The following FAM53B variants were observed in gnomAD, a reference collection of about 807,000 sequenced individuals.
FAM53B encodes protein FAM53B.
In FAM53B, 12 loss-of-function variants were observed where a neutral mutation model predicts 32.7. That is an observed-to-expected ratio of 0.37 (90% CI 0.24 to 0.59). The LOEUF (loss-of-function observed/expected upper bound fraction) is 0.59, where lower values mean the gene tolerates loss of function less well. Among genes scored for constraint, FAM53B ranks in the 20% least tolerant of loss-of-function variants. FAM53B has a pLI of 0.72. For missense variants in FAM53B, 477 were observed against 577.7 expected (o/e 0.83, Z 1.79); for synonymous variants, 234 against 228.7 (o/e 1.02, Z -0.21).
intron 4 of FAM53B, among the ~76,000 whole-genome samples, chr10:124,652,314 A>C (rs1949561006): frequency 6.6e-6 from 1 of 152,214 alleles, no homozygotes; most frequent in Non-Finnish European, 1.5e-5. Flanking sequence ...AGCCGTGCCC[A>C]GGGGTGAACT....
rs1026977598 is a variant in FAM53B, at chr10:124,706,360, C to T, written c.78+276G>A. On this transcript the variant is annotated intron_variant, in intron 2 of 4. Coordinates refer to ENST00000337318, the MANE Select transcript of FAM53B (RefSeq NM_014661.4). ...GGAATGTCAATCCTGGCTTGGCAGG[C>T]GGCAGAATCACACTTGCTGTTATTT... 7.2e-5 allele frequency among the ~76,000 whole-genome samples: 11 copies of T among 152,196 alleles called. No individual in the cohort carries two copies. In the East Asian group the frequency reaches 1.5e-3, roughly 21 times the overall value.
Position 124,732,341 on chromosome 10 carries a change from G to A in FAM53B, c.-175+11672C>T, listed in dbSNP as rs558772431. ...CCACTATCCACCCAGAAACCGGGCA[G>A]GATCAGCCACGCTCAGTCGTCGTCT... On this transcript the variant is annotated intron_variant, in intron 1 of 4. Coordinates refer to ENST00000337318, the MANE Select transcript of FAM53B (RefSeq NM_014661.4). Among the ~76,000 whole-genome samples, 45 of 152,322 alleles carry A rather than the reference G, an allele frequency of 3.0e-4. No individual in the cohort carries two copies. The South Asian group carries it at 8.5e-3, about 29-fold the overall frequency.
At chr10:124,690,579 CT>C (rs1949827307) in intron 3 of FAM53B, among the ~76,000 whole-genome samples, 1 of 152,242 alleles carries the variant, frequency 6.6e-6, no homozygotes, top group African/African-American at 2.4e-5. Flanking sequence ...GAAGCTCTGT[CT>C]TCACTCGTCA....
At chr10:124,674,145 G>A (rs1338072497) in intron 4 of FAM53B, among the ~76,000 whole-genome samples, 2 of 152,200 alleles carry the variant, frequency 1.3e-5, no homozygotes, top group Non-Finnish European at 1.5e-5. Context: ...CAGCAGCACC[G>A]CTCAACAACT....
intron 3 of FAM53B, among the ~76,000 whole-genome samples, chr10:124,694,032 C>T (rs1376291167): frequency 6.6e-6 from 1 of 152,202 alleles, no homozygotes; most frequent in Non-Finnish European, 1.5e-5. Flanking sequence ...AGGGAGGGGC[C>T]GACCAACAGA....
intron 4 of FAM53B, among the ~76,000 whole-genome samples, chr10:124,649,799 TAC>T: frequency 6.6e-6 from 1 of 152,294 alleles, no homozygotes; most frequent in African/African-American, 2.4e-5. Context: ...CAACCAAATA[TAC>T]ATAAGTCCCC....
At chr10:124,665,108 G>C (rs1158945790) in intron 4 of FAM53B, among the ~76,000 whole-genome samples, 2 of 152,198 alleles carry the variant, frequency 1.3e-5, no homozygotes, top group South Asian at 2.1e-4. Context: ...TTGAGAACCA[G>C]GCAAGAAATT....
intron 1 of FAM53B, among the ~76,000 whole-genome samples, chr10:124,728,837 C>A (rs1047155557): frequency 6.6e-6 from 1 of 152,228 alleles, no homozygotes; most frequent in African/African-American, 2.4e-5. Context: ...GGAACCCATG[C>A]AGAGGAGCAA....
At chr10:124,714,333 G>A (rs1950025068) in intron 1 of FAM53B, 1 of 152,024 alleles carries the variant, frequency 6.6e-6, no homozygotes, top group Admixed American at 6.6e-5. Context: ...CAGGACCCAC[G>A]AATGTGCAGC....
intron 4 of FAM53B, among the ~76,000 whole-genome samples, chr10:124,666,801 G>A (rs898652753): frequency 1.1e-4 from 16 of 152,352 alleles, no homozygotes; most frequent in Middle Eastern, 3.4e-3. Context: ...GGAGGGTGGA[G>A]CAGGTGAGCC....
At chr10:124,726,844 G>C (rs1428171277) in intron 1 of FAM53B, among the ~76,000 whole-genome samples, 1 of 152,162 alleles carries the variant, frequency 6.6e-6, no homozygotes, top group Non-Finnish European at 1.5e-5. Context: ...TCAAAAGAAA[G>C]AGCTGAGATA....
intron 3 of FAM53B, among the ~76,000 whole-genome samples, chr10:124,684,394 C>T (rs1949790543): frequency 6.6e-6 from 1 of 152,208 alleles, no homozygotes; most frequent in Non-Finnish European, 1.5e-5. Flanking sequence ...CTGCAAGTTG[C>T]TTTAGGTTGT....
chr10:124,740,371 A>C (rs567876533), intron 1 of FAM53B, among the ~76,000 whole-genome samples: 1 of 152,360 alleles, frequency 6.6e-6, no homozygotes, highest in East Asian at 1.9e-4. Context: ...CTGTAAGAAG[A>C]ACCCTAGGGA....
chr10:124,723,740 G>A (rs1475829346), intron 1 of FAM53B, among the ~76,000 whole-genome samples: 10 of 151,016 alleles, frequency 6.6e-5, no homozygotes, highest in Non-Finnish European at 7.4e-5. Context: ...GACAGCCCAG[G>A]CCTCTGCAGG....
chr10:124,630,376 T>G (rs1267314929), intron 4 of FAM53B, among the ~76,000 whole-genome samples: 1 of 152,210 alleles, frequency 6.6e-6, no homozygotes, highest in Non-Finnish European at 1.5e-5. Flanking sequence ...ATTGCACCAC[T>G]GTACTCCAGC....
intron 1 of FAM53B, among the ~76,000 whole-genome samples, chr10:124,727,341 G>C (rs112251484): frequency 0.21 from 29,351 of 140,366 alleles, 4,047 homozygotes; most frequent in East Asian, 0.4. Flanking sequence ...GGGGGGGGGG[G>C]GGGTGCGGGG....
intron 4 of FAM53B, among the ~76,000 whole-genome samples, chr10:124,634,162 C>T (rs1351328975): frequency 6.6e-6 from 1 of 152,212 alleles, no homozygotes; most frequent in East Asian, 1.9e-4. Context: ...AAATGTCTAT[C>T]AACTGGTGAA....
chr10:124,643,250 C>A (rs2134045879), intron 4 of FAM53B, among the ~76,000 whole-genome samples: 1 of 152,326 alleles, frequency 6.6e-6, no homozygotes, highest in South Asian at 2.1e-4. Flanking sequence ...AAGCAACTTC[C>A]AATTGATTGA....
chr10:124,712,899 G>A (rs959500884), intron 1 of FAM53B, among the ~76,000 whole-genome samples: 3 of 152,128 alleles, frequency 2.0e-5, no homozygotes, highest in Admixed American at 1.3e-4. Context: ...GTGCAGACAC[G>A]GTGGCAGGGG....
Sources: gnomAD v4.1 joint callset for allele counts (sites outside exome capture counted in the v4.1 genomes callset) on GRCh38, gnomAD v4.1.1 for gene constraint, MANE v1.5 for transcripts, NCBI Gene and HGNC (gene_info 2026-07-23, HGNC 2026-07-21) for gene names.